The following TMT1A variants were observed in gnomAD, a reference collection of about 807,000 sequenced individuals.
TMT1A encodes the protein thiol methyltransferase 1A.
the TMT1A span, chr12:50,925,371 T>G: frequency 6.2e-7 from 1 of 1,614,206 alleles, no homozygotes; most frequent in Non-Finnish European, 8.5e-7. Flanking sequence ...TCAAGAGCAT[T>G]GCAGAGAACC....
the TMT1A span, chr12:50,925,019 GTTTT>G: frequency 6.2e-7 from 1 of 1,610,102 alleles, no homozygotes; most frequent in Non-Finnish European, 8.5e-7. Context: ...CTGTTGATCT[GTTTT>G]TTTCCCTTCT....
At chr12:50,927,615 T>C in the TMT1A span, among the ~76,000 whole-genome samples, 1 of 152,230 alleles carries the variant, frequency 6.6e-6, no homozygotes, top group African/African-American at 2.4e-5. Flanking sequence ...CTTAAAGTTA[T>C]CACATTCGTG....
the TMT1A span, chr12:50,930,232 G>A: frequency 8.9e-7 from 1 of 1,120,050 alleles, no homozygotes; most frequent in Non-Finnish European, 1.2e-6. Flanking sequence ...TGGGAGAAGA[G>A]AAACCTTTTT....
At chr12:50,926,016 CAAAA>C in the TMT1A span, among the ~76,000 whole-genome samples, 16 of 26,076 alleles carry the variant, frequency 6.1e-4, no homozygotes, top group African/African-American at 1.9e-3. Flanking sequence ...AACTCCATCT[CAAAA>C]AAAAAAAAAA....
At chr12:50,925,301 A>G in the TMT1A span, 1 of 1,614,052 alleles carries the variant, frequency 6.2e-7, no homozygotes, top group African/African-American at 1.3e-5. Flanking sequence ...TTCAAGTTCT[A>G]CCCACCTGGG....
the TMT1A span, among the ~76,000 whole-genome samples, chr12:50,929,758 AG>A: frequency 6.6e-6 from 1 of 152,378 alleles, no homozygotes; most frequent in Non-Finnish European, 1.5e-5. Flanking sequence ...TTCAGTCTCA[AG>A]GGTGTGCTTA....
chr12:50,930,039 C>CT, the TMT1A span: 3 of 1,613,976 alleles, frequency 1.9e-6, no homozygotes, highest in African/African-American at 4.0e-5. Context: ...CCAGAGAGAG[C>CT]TGGAAGGCCC....
At chr12:50,926,036 AAAAGAAAGAAAG>A in the TMT1A span, among the ~76,000 whole-genome samples, 1 of 148,178 alleles carries the variant, frequency 6.7e-6, no homozygotes, top group African/African-American at 2.5e-5. Context: ...AAAAAAAAAA[AAAAGAAAGAAAG>A]AAAAAAAAGA....
the TMT1A span, among the ~76,000 whole-genome samples, chr12:50,926,745 C>CATATATGAGT: frequency 2.6e-5 from 4 of 152,150 alleles, no homozygotes; most frequent in Non-Finnish European, 5.9e-5. Context: ...AGAGGAGATA[C>CATATATGAGT]ATATATGTGT....
At chr12:50,927,893 T>C in the TMT1A span, among the ~76,000 whole-genome samples, 3 of 144,194 alleles carry the variant, frequency 2.1e-5, no homozygotes, top group Admixed American at 2.0e-4. Context: ...GGCATGATCT[T>C]GGCTAACTGC....
At chr12:50,926,569 T>C in the TMT1A span, among the ~76,000 whole-genome samples, 1 of 152,224 alleles carries the variant, frequency 6.6e-6, no homozygotes, top group East Asian at 1.9e-4. Flanking sequence ...AGTTGTCATA[T>C]TGTATAAAGG....
At chr12:50,928,558 G>T in the TMT1A span, among the ~76,000 whole-genome samples, 57 of 152,308 alleles carry the variant, frequency 3.7e-4, no homozygotes, top group African/African-American at 1.3e-3. Flanking sequence ...GTTTAGGCAA[G>T]CCCCTGTGCA....
At chr12:50,925,692 A>G in the TMT1A span, among the ~76,000 whole-genome samples, 3 of 152,200 alleles carry the variant, frequency 2.0e-5, no homozygotes, top group Admixed American at 6.5e-5. Context: ...GAGAGAAGCT[A>G]TAAAGAGAAA....
the TMT1A span, chr12:50,930,613 C>T: frequency 5.9e-5 from 8 of 135,934 alleles, no homozygotes; most frequent in African/African-American, 1.4e-4. Flanking sequence ...ACGGAGTTTT[C>T]GCTCTTGTTG....
chr12:50,932,031 C>G, the TMT1A span: 10 of 152,118 alleles, frequency 6.6e-5, no homozygotes, highest in Non-Finnish European at 1.5e-4. Flanking sequence ...CATTCCAGTT[C>G]TCAAGTCTTA....
the TMT1A span, chr12:50,925,015 ATC>A: frequency 1.9e-6 from 3 of 1,607,726 alleles, no homozygotes; most frequent in Non-Finnish European, 2.5e-6. Context: ...CTAACTGTTG[ATC>A]TGTTTTTTTC....
chr12:50,930,349 C>T, the TMT1A span: 14 of 469,488 alleles, frequency 3.0e-5, no homozygotes, highest in Middle Eastern at 5.8e-4. Flanking sequence ...ACGTGATCTC[C>T]GCTCACTGCA....
chr12:50,929,832 A>T, the TMT1A span: 1 of 1,333,360 alleles, frequency 7.5e-7, no homozygotes, highest in South Asian at 1.4e-5. Context: ...AGGCAGTGCC[A>T]GAGAACAATT....
the TMT1A span, among the ~76,000 whole-genome samples, chr12:50,929,415 A>T: frequency 1.3e-5 from 2 of 152,216 alleles, no homozygotes; most frequent in Admixed American, 1.3e-4. Context: ...TGGTGCAGTT[A>T]CCACAATTTT....
Sources: allele counts gnomAD v4.1 joint callset (sites outside exome capture counted in the v4.1 genomes callset), GRCh38; gene constraint gnomAD v4.1.1; transcripts MANE v1.5; gene names NCBI Gene and HGNC (gene_info 2026-07-23, HGNC 2026-07-21).